Variants in PARD6G observed in about 807,000 individuals in gnomAD.
PARD6G encodes par-6 family cell polarity regulator gamma.
In PARD6G, 7 loss-of-function variants were observed where a neutral mutation model predicts 10.7. The observed-to-expected ratio is 0.66, with a 90% CI of 0.37 to 1.23. The LOEUF is 1.23. Ranked by LOEUF, PARD6G falls within the 50% of genes most tolerant of loss-of-function variation. PARD6G has a pLI of 0.02. For missense variants in PARD6G, 548 were observed against 571.8 expected (o/e 0.96, Z 0.42); for synonymous variants, 287 against 269.4 (o/e 1.07, Z -0.64).
chr18:80,159,845 G>A lies in PARD6G; in HGVS notation c.1057C>T (p.Arg353Trp), dbSNP rs769483897. Residue 353 changes from arginine to tryptophan, a missense_variant, in exon 3 of 3, where the codon CGG (arginine) becomes TGG (tryptophan). Arg to Trp is a moderately radical substitution (Grantham distance 101). Around this residue, in one of 2 missense-constraint regions of PARD6G, gnomAD observed 313 missense variants for 279.9 expected, o/e 1.12. Transcript: ENST00000353265. ...GGLQRLLSSLRADPRHSLALP... is the reference protein window; with the variant it reads ...GGLQRLLSSLWADPRHSLALP... The stretch of plus-strand genomic sequence containing the variant: ...GCCAGGCTGTGACGGGGGTCGGCCC[G>A]CAGGGAGCTGAGCAGCCGCTGGAGG... 6 of 1,497,708 alleles carry A rather than the reference G, an allele frequency of 4.0e-6. No individual in the cohort carries two copies. The highest frequency in any genetic ancestry group is 5.6e-5 in the East Asian group (2 of 35,846). The allele number at this position is 1,497,708 out of a possible 1,614,324, so 92.8% of individuals were successfully genotyped here. A position where few individuals can be genotyped will look rare whatever the true frequency, so the allele number is the denominator to read the frequency against.
intron 1 of PARD6G, among the ~76,000 whole-genome samples, chr18:80,236,550 G>A (rs1237967738): frequency 6.6e-6 from 1 of 152,158 alleles, no homozygotes; most frequent in Non-Finnish European, 1.5e-5. Flanking sequence ...TAGGAAAAGA[G>A]GAAGTCAAAT....
chr18:80,215,265 A>T (rs1453017283), intron 1 of PARD6G, among the ~76,000 whole-genome samples: 2 of 152,184 alleles, frequency 1.3e-5, no homozygotes, highest in African/African-American at 4.8e-5. Context: ...CTCCTCTTTC[A>T]GGCTGAAATA....
At chr18:80,229,012 C>T (rs1016784964) in intron 1 of PARD6G, among the ~76,000 whole-genome samples, 2 of 152,176 alleles carry the variant, frequency 1.3e-5, no homozygotes, top group African/African-American at 4.8e-5. Context: ...GATCTTGGCT[C>T]ACCATAACCT....
chr18:80,191,642 T>A (rs974199555), intron 2 of PARD6G, among the ~76,000 whole-genome samples: 2 of 152,364 alleles, frequency 1.3e-5, no homozygotes, highest in African/African-American at 4.8e-5. Context: ...TAGGTTTTGG[T>A]CTATAAGAAA....
intron 1 of PARD6G, among the ~76,000 whole-genome samples, chr18:80,210,880 C>T (rs1431843061): frequency 1.3e-5 from 2 of 152,102 alleles, no homozygotes; most frequent in African/African-American, 4.8e-5. Flanking sequence ...ATATGACTGG[C>T]AAAACCTCCC....
chr18:80,177,345 C>G (rs1298419032), intron 2 of PARD6G, among the ~76,000 whole-genome samples: 1 of 145,382 alleles, frequency 6.9e-6, no homozygotes, highest in East Asian at 2.1e-4. Context: ...CACACACATA[C>G]ACACACATAC....
At chr18:80,206,025 T>C (rs1002287150) in intron 1 of PARD6G, among the ~76,000 whole-genome samples, 3 of 152,244 alleles carry the variant, frequency 2.0e-5, no homozygotes, top group Non-Finnish European at 4.4e-5. Flanking sequence ...GGCTAAATGT[T>C]AGTTCTACAA....
chr18:80,185,782 G>A (rs1274264268), intron 2 of PARD6G, among the ~76,000 whole-genome samples: 1 of 127,106 alleles, frequency 7.9e-6, no homozygotes, highest in South Asian at 2.5e-4. Flanking sequence ...ACCCTGACAT[G>A]CTCGCACACC....
intron 1 of PARD6G, among the ~76,000 whole-genome samples, chr18:80,211,543 C>T (rs1322851221): frequency 1.3e-5 from 2 of 152,198 alleles, no homozygotes; most frequent in Non-Finnish European, 2.9e-5. Flanking sequence ...CCATATGATC[C>T]AGCATTCTAC....
intron 2 of PARD6G, among the ~76,000 whole-genome samples, chr18:80,190,861 C>G (rs941020209): frequency 6.6e-6 from 1 of 152,162 alleles, no homozygotes; most frequent in Non-Finnish European, 1.5e-5. Context: ...GGAAACAGAG[C>G]TCATTAAATC....
At chr18:80,164,951 A>G (rs570146137) in intron 2 of PARD6G, among the ~76,000 whole-genome samples, 5 of 152,388 alleles carry the variant, frequency 3.3e-5, no homozygotes, top group African/African-American at 1.2e-4. Context: ...AAAAGGAAAA[A>G]GCGGAACCAC....
At chr18:80,213,561 T>A (rs1194212850) in intron 1 of PARD6G, among the ~76,000 whole-genome samples, 1 of 152,114 alleles carries the variant, frequency 6.6e-6, no homozygotes, top group East Asian at 1.9e-4. Flanking sequence ...AAGTCACACA[T>A]GACAAAGAAT....
At chr18:80,174,324 C>T (rs931801413) in intron 2 of PARD6G, among the ~76,000 whole-genome samples, 4 of 152,150 alleles carry the variant, frequency 2.6e-5, no homozygotes, top group Non-Finnish European at 4.4e-5. Flanking sequence ...AGGCCAATGA[C>T]GACTTCCTTT....
intron 2 of PARD6G, among the ~76,000 whole-genome samples, chr18:80,186,946 G>T (rs572754476): frequency 1.3e-5 from 2 of 152,024 alleles, no homozygotes; most frequent in South Asian, 2.1e-4. Context: ...AAAATACAAA[G>T]AAATTAGCCG....
chr18:80,187,768 G>T (rs1457246750), intron 2 of PARD6G: 1 of 152,180 alleles, frequency 6.6e-6, no homozygotes, highest in Non-Finnish European at 1.5e-5. Context: ...ATGGTTCTGA[G>T]AAACGCATCA....
chr18:80,197,308 G>A (rs1310604444), intron 2 of PARD6G: 1 of 152,198 alleles, frequency 6.6e-6, no homozygotes, highest in Non-Finnish European at 1.5e-5. Flanking sequence ...AATCCTGCCA[G>A]TGTCCATAAC....
At chr18:80,187,356 T>C (rs970421755) in intron 2 of PARD6G, among the ~76,000 whole-genome samples, 2 of 152,134 alleles carry the variant, frequency 1.3e-5, no homozygotes, top group Admixed American at 6.5e-5. Context: ...ACATTTTGCT[T>C]CAGAGTAGAC....
At position 80,201,867 on chromosome 18, in the gene PARD6G, T is replaced by C. The variant is rs1476514595; in HGVS notation, c.295+843A>G. ...AGCACCCTGCTGCTGCTTCCTCTAG[T>C]CTCAGCTCAGCCTTTCCTCCGGGAA... On this transcript the variant is annotated intron_variant, in intron 2 of 2. Transcript: ENST00000353265. The surrounding 1 kb of genome is among the most constrained non-coding windows in gnomAD (Gnocchi z 5.9). 3 of 152,212 alleles carry C rather than the reference T, an allele frequency of 2.0e-5. No individual in the cohort carries two copies. Among genetic ancestry groups the C allele is most frequent in the Non-Finnish European group, 2.9e-5 (2 of 68,070 alleles). The allele number at this position is 152,212 out of a possible 1,614,324, so 9.4% of individuals were successfully genotyped here.
intron 2 of PARD6G, among the ~76,000 whole-genome samples, chr18:80,160,818 A>T (rs2052695648): frequency 1.3e-5 from 2 of 152,202 alleles, no homozygotes; most frequent in African/African-American, 2.4e-5. Context: ...ACAGCTCCAC[A>T]GGCACCAAAC....
Sources: gnomAD v4.1 joint callset for allele counts (sites outside exome capture counted in the v4.1 genomes callset) on GRCh38, gnomAD v4.1.1 for gene constraint, gnomAD v4.1.1 regional missense constraint, Gnocchi (gnomAD v3.1) non-coding constraint, MANE v1.5 for transcripts, NCBI Gene and HGNC (gene_info 2026-07-23, HGNC 2026-07-21) for gene names.